COL25A1: variants seen among roughly 807,000 people sequenced by gnomAD.
COL25A1 encodes the protein collagen type XXV alpha 1 chain.
COL25A1 carries 103 observed loss-of-function variants against 128.4 expected under a neutral mutation model. That is an observed-to-expected ratio of 0.80 (90% CI 0.68 to 0.94). The LOEUF (loss-of-function observed/expected upper bound fraction) is 0.94. COL25A1 is among the 40% of genes least tolerant of loss of function. The pLI is 0.00. For missense variants in COL25A1, 745 were observed against 840.0 expected (o/e 0.89, Z 1.40); for synonymous variants, 279 against 277.2 (o/e 1.01, Z -0.06).
chr4:108,905,962 C>G (rs560601965), intron 13 of COL25A1, among the ~76,000 whole-genome samples: 2 of 152,034 alleles, frequency 1.3e-5, no homozygotes, highest in Non-Finnish European at 2.9e-5. Context: ...CATGGCACAG[C>G]CACAGCTGGT....
At chr4:109,288,451 T>C (rs1393800376) in intron 3 of COL25A1, among the ~76,000 whole-genome samples, 1 of 152,158 alleles carries the variant, frequency 6.6e-6, no homozygotes, top group Non-Finnish European at 1.5e-5. Flanking sequence ...AAATCCATTA[T>C]GATCAAAGAT....
chr4:109,219,780 T>C (rs1164427769), intron 3 of COL25A1, among the ~76,000 whole-genome samples: 1 of 152,182 alleles, frequency 6.6e-6, no homozygotes, highest in Non-Finnish European at 1.5e-5. Context: ...AGTTTATTCT[T>C]GAGATCACCT....
chr4:109,227,722 A>G (rs968478173), intron 3 of COL25A1, among the ~76,000 whole-genome samples: 1 of 152,206 alleles, frequency 6.6e-6, no homozygotes, highest in Non-Finnish European at 1.5e-5. Flanking sequence ...TAAGAAAAAA[A>G]TGATATTCAG....
chr4:109,225,154 C>T (rs148468998), intron 3 of COL25A1, among the ~76,000 whole-genome samples: 1 of 152,276 alleles, frequency 6.6e-6, no homozygotes, highest in East Asian at 1.9e-4. Context: ...TAAATTATCA[C>T]TTCAGTAGGT....
At chr4:109,070,983 T>C (rs1247520786) in intron 3 of COL25A1, among the ~76,000 whole-genome samples, 8 of 152,008 alleles carry the variant, frequency 5.3e-5, no homozygotes. Flanking sequence ...GAGCCCGCAT[T>C]GCCAAGACAA....
intron 3 of COL25A1, among the ~76,000 whole-genome samples, chr4:109,214,213 TCAAA>T (rs1174017271): frequency 1.3e-5 from 2 of 152,000 alleles, no homozygotes; most frequent in Non-Finnish European, 2.9e-5. Context: ...CAATTTAACC[TCAAA>T]CAAATTAAAA....
intron 3 of COL25A1, among the ~76,000 whole-genome samples, chr4:109,216,713 A>C (rs1172569996): frequency 6.6e-6 from 1 of 152,148 alleles, no homozygotes; most frequent in East Asian, 1.9e-4. Context: ...CCCTGCCAAC[A>C]TCTTGATTTC....
intron 3 of COL25A1, among the ~76,000 whole-genome samples, chr4:109,126,019 C>T (rs185724263): frequency 7.8e-4 from 118 of 152,092 alleles, no homozygotes; most frequent in African/African-American, 2.7e-3. Flanking sequence ...GCTTTTTACT[C>T]CTTCACCAAG....
At chr4:109,168,357 C>T (rs1773265823) in intron 3 of COL25A1, among the ~76,000 whole-genome samples, 1 of 152,160 alleles carries the variant, frequency 6.6e-6, no homozygotes, top group Non-Finnish European at 1.5e-5. Flanking sequence ...TCAAAAGCAA[C>T]TACCAGCAAC....
chr4:109,163,533 C>A (rs888984583), intron 3 of COL25A1, among the ~76,000 whole-genome samples: 7 of 152,180 alleles, frequency 4.6e-5, no homozygotes, highest in Non-Finnish European at 8.8e-5. Context: ...AGACTAATTG[C>A]AGAAGATCAA....
chr4:109,030,301 A>G (rs1758712272), intron 5 of COL25A1, among the ~76,000 whole-genome samples: 1 of 152,140 alleles, frequency 6.6e-6, no homozygotes, highest in Non-Finnish European at 1.5e-5. Flanking sequence ...CCACACCTGA[A>G]CTATGGAGAG....
intron 8 of COL25A1, among the ~76,000 whole-genome samples, chr4:108,973,630 G>T (rs76956637): frequency 4.0e-3 from 615 of 152,206 alleles, no homozygotes; most frequent in Non-Finnish European, 6.7e-3. Flanking sequence ...TTGCTTTTGT[G>T]CATAGTGACA....
rs114031590 is a variant in COL25A1, at chr4:109,029,169, T to C, written c.421-18794A>G. ...CAAAAGATATTATGGCATAATTCTATGCTAATGAAATTATCCAAAAGAGAG... is the reference window on the plus strand; with the variant it reads ...CAAAAGATATTATGGCATAATTCTACGCTAATGAAATTATCCAAAAGAGAG... On this transcript the variant is annotated intron_variant, in intron 5 of 37. Transcript: ENST00000399132. Among the ~76,000 whole-genome samples, 843 of 152,260 alleles carry C rather than the reference T, an allele frequency of 5.5e-3. 9 individuals are homozygous for C. The highest frequency in any genetic ancestry group is 0.02 in the African/African-American group (824 of 41,534).
chr4:108,836,288 T>C (rs1222300999), intron 31 of COL25A1, among the ~76,000 whole-genome samples: 1 of 152,142 alleles, frequency 6.6e-6, no homozygotes, highest in Admixed American at 6.5e-5. Context: ...TCAATAGCCC[T>C]AAATTTTAAA....
At chr4:108,884,019 T>C (rs1288247037) in intron 19 of COL25A1, among the ~76,000 whole-genome samples, 159 bp downstream of exon 19, 1 of 152,226 alleles carries the variant, frequency 6.6e-6, no homozygotes, top group Admixed American at 6.5e-5. Context: ...GTATCTGTGC[T>C]TAATTTTTAA....
intron 6 of COL25A1, among the ~76,000 whole-genome samples, chr4:108,998,259 A>T (rs556419475): frequency 9.2e-5 from 14 of 152,344 alleles, no homozygotes; most frequent in Admixed American, 7.8e-4. Context: ...TAAGCTGATA[A>T]GCAACTTCAG....
intron 3 of COL25A1, among the ~76,000 whole-genome samples, chr4:109,224,841 G>A (rs1405450280): frequency 6.6e-6 from 1 of 152,220 alleles, no homozygotes; most frequent in Non-Finnish European, 1.5e-5. Context: ...TCGGGAGGCT[G>A]AGGCAGGAGA....
chr4:109,122,709 C>A (rs1768215959), intron 3 of COL25A1, among the ~76,000 whole-genome samples: 1 of 151,958 alleles, frequency 6.6e-6, no homozygotes, highest in African/African-American at 2.4e-5. Flanking sequence ...ACATTTGGAG[C>A]TGTGAATGTT....
chr4:108,938,376 T>C (rs1295939317), intron 10 of COL25A1, among the ~76,000 whole-genome samples: 1 of 152,210 alleles, frequency 6.6e-6, no homozygotes, highest in Non-Finnish European at 1.5e-5. Flanking sequence ...TAAATATAGA[T>C]ATTGCTGGTC....
Sources: gnomAD v4.1 joint callset for allele counts (sites outside exome capture counted in the v4.1 genomes callset) on GRCh38, gnomAD v4.1.1 for gene constraint, MANE v1.5 for transcripts, NCBI Gene and HGNC (gene_info 2026-07-23, HGNC 2026-07-21) for gene names.